The following FOXP2 variants were observed in gnomAD, a reference collection of about 807,000 sequenced individuals.
FOXP2 encodes forkhead box P2, also known as forkhead box protein P2.
In FOXP2, 12 loss-of-function variants were observed where a neutral mutation model predicts 115.8. The observed-to-expected ratio is 0.10, with a 90% confidence interval of 0.07 to 0.17. The LOEUF (loss-of-function observed/expected upper bound fraction) is 0.17. Ranked by LOEUF, FOXP2 falls within the 10% of genes least tolerant of loss-of-function variation. The pLI, the probability that FOXP2 is intolerant of heterozygous loss-of-function variation, is 1.00. For synonymous variants in FOXP2, 328 were observed against 297.7 expected (o/e 1.10, Z -1.05); for missense variants, 629 against 843.5 (o/e 0.75, Z 3.15).
chr7:114,132,582 T>TGTGTGTGTGAGAGAGA (rs1554419465), intron 1 of FOXP2, among the ~76,000 whole-genome samples: 2 of 55,996 alleles, frequency 3.6e-5, no homozygotes, highest in African/African-American at 1.6e-4. Context: ...TGTGTGTGTG[T>TGTGTGTGTGAGAGAGA]GAGAGAGAGA....
chr7:114,414,422 A>G (rs1239022163), upstream of FOXP2: 2 of 152,588 alleles, frequency 1.3e-5, no homozygotes, highest in East Asian at 1.9e-4. Context: ...GACAAACACC[A>G]TTAGCTGAAA....
rs747746108 is a variant in FOXP2, at chr7:114,689,996, A to G, written c.*70A>G. ...CTTCATAACCACTCCACAACCATGA[A>G]TATTTGACAAATTTTTACTGTGACT... On this transcript the variant is annotated 3_prime_UTR_variant, in exon 17 of 17. Coordinates refer to ENST00000350908, the MANE Select transcript of FOXP2 (RefSeq NM_014491.4). 3 of 1,581,520 alleles carry G rather than the reference A, an allele frequency of 1.9e-6. No individual in the cohort carries two copies. Among genetic ancestry groups the G allele is most frequent in the Non-Finnish European group, 1.7e-6 (2 of 1,156,560 alleles).
chr7:114,464,897 A>G (rs1473991684), intron 2 of FOXP2, among the ~76,000 whole-genome samples: 2 of 152,204 alleles, frequency 1.3e-5, no homozygotes, highest in African/African-American at 4.8e-5. Context: ...TTTAGTAATC[A>G]TCTTCCATGC....
chr7:114,239,928 G>C (rs1289860516), intron 1 of FOXP2, among the ~76,000 whole-genome samples: 1 of 152,012 alleles, frequency 6.6e-6, no homozygotes, highest in Non-Finnish European at 1.5e-5. Flanking sequence ...TATATGGCAC[G>C]CCTGATTTGG....
intron 2 of FOXP2, among the ~76,000 whole-genome samples, chr7:114,531,242 G>A (rs975330943): frequency 7.9e-5 from 12 of 151,754 alleles, no homozygotes; most frequent in East Asian, 1.9e-4. Flanking sequence ...ACTAGATGGC[G>A]CAGAGAACTT....
chr7:114,143,648 C>CA (rs1047902142), intron 1 of FOXP2, among the ~76,000 whole-genome samples: 5 of 152,114 alleles, frequency 3.3e-5, no homozygotes, highest in Non-Finnish European at 1.5e-5. Flanking sequence ...GAATCATGTA[C>CA]AGTGCTAGCT....
chr7:114,244,924 G>A (rs1795242286), intron 1 of FOXP2, among the ~76,000 whole-genome samples: 1 of 151,920 alleles, frequency 6.6e-6, no homozygotes, highest in African/African-American at 2.4e-5. Context: ...ATCACGCCCG[G>A]CTAATTTTTT....
intron 2 of FOXP2, among the ~76,000 whole-genome samples, chr7:114,399,114 CTTTT>C (rs66789053): frequency 7.1e-6 from 1 of 141,404 alleles, no homozygotes. Context: ...TTTTCTTTTT[CTTTT>C]TTTTTTTTTT....
At chr7:114,445,857 A>T (rs901017618) in intron 2 of FOXP2, among the ~76,000 whole-genome samples, 1 of 152,134 alleles carries the variant, frequency 6.6e-6, no homozygotes, top group South Asian at 2.1e-4. Context: ...AATTAAGTGC[A>T]TGATACTCTA....
At chr7:114,269,158 G>A (rs1349792499) in intron 1 of FOXP2, among the ~76,000 whole-genome samples, 1 of 152,078 alleles carries the variant, frequency 6.6e-6, no homozygotes, top group African/African-American at 2.4e-5. Flanking sequence ...AATTTGATAC[G>A]GCTTAGAGTT....
chr7:114,370,160 G>T (rs529163588), intron 2 of FOXP2, among the ~76,000 whole-genome samples: 3 of 152,254 alleles, frequency 2.0e-5, no homozygotes, highest in East Asian at 3.9e-4. Context: ...GTCTCAGATG[G>T]TTTTTTCCCC....
At chr7:114,107,850 C>T (rs1300627747) in intron 1 of FOXP2, among the ~76,000 whole-genome samples, 2 of 151,796 alleles carry the variant, frequency 1.3e-5, no homozygotes, top group East Asian at 1.9e-4. Flanking sequence ...CTGGTCCTGC[C>T]CTAGAAATAT....
At chr7:114,369,032 G>T (rs1791944639) in intron 2 of FOXP2, among the ~76,000 whole-genome samples, 1 of 152,186 alleles carries the variant, frequency 6.6e-6, no homozygotes, top group South Asian at 2.1e-4. Context: ...TTAAGACAGT[G>T]CACTTCCAAG....
At chr7:114,214,877 G>A (rs190417244) in intron 1 of FOXP2, among the ~76,000 whole-genome samples, 54 of 152,194 alleles carry the variant, frequency 3.5e-4, no homozygotes, top group Middle Eastern at 6.8e-3. Flanking sequence ...TCCTAGTAGT[G>A]ATAATCTTTC....
chr7:114,313,924 T>A (rs1432675620), intron 2 of FOXP2, among the ~76,000 whole-genome samples: 1 of 152,058 alleles, frequency 6.6e-6, no homozygotes, highest in Non-Finnish European at 1.5e-5. Flanking sequence ...TGATCAATAT[T>A]TTTTCAAACT....
At chr7:114,584,252 A>G (rs1802014909) in intron 3 of FOXP2, among the ~76,000 whole-genome samples, 3 of 152,052 alleles carry the variant, frequency 2.0e-5, no homozygotes, top group South Asian at 4.1e-4. Context: ...ATTTAAAGGA[A>G]ATCTTTTCCC....
At chr7:114,208,211 T>C (rs1794249588) in intron 1 of FOXP2, among the ~76,000 whole-genome samples, 1 of 152,178 alleles carries the variant, frequency 6.6e-6, no homozygotes, top group Non-Finnish European at 1.5e-5. Flanking sequence ...ACCCACCGCT[T>C]TCATCAGTAT....
Position 114,512,949 on chromosome 7 carries a change from G to A in FOXP2, c.169-21668G>A, listed in dbSNP as rs145846959. Among the ~76,000 whole-genome samples the A allele has an allele frequency of 1.8e-3, 267 of 152,112 alleles. 1 individual carries two copies. The highest frequency in any genetic ancestry group is 3.1e-3 in the Non-Finnish European group (209 of 67,990). ...ATACAAAAATTAGCTGGGAGTGGTGGCACGCACCTGTAGTCCCAGCTAGTC... is the reference window on the plus strand; with the variant it reads ...ATACAAAAATTAGCTGGGAGTGGTGACACGCACCTGTAGTCCCAGCTAGTC... On this transcript the variant is annotated intron_variant, in intron 2 of 16. Transcript: ENST00000350908.
chr7:114,598,675 C>T (rs1201570054), intron 3 of FOXP2, among the ~76,000 whole-genome samples: 2 of 152,096 alleles, frequency 1.3e-5, no homozygotes, highest in Non-Finnish European at 2.9e-5. Flanking sequence ...AGTATATTCA[C>T]ATTGTTGTGC....
Sources: gnomAD v4.1 joint callset for allele counts (sites outside exome capture counted in the v4.1 genomes callset) on GRCh38, gnomAD v4.1.1 for gene constraint, MANE v1.5 for transcripts, NCBI Gene and HGNC (gene_info 2026-07-23, HGNC 2026-07-21) for gene names.